The following DNER variants were observed in gnomAD, a reference collection of about 807,000 sequenced individuals.
DNER encodes the protein delta and Notch-like epidermal growth factor-related receptor.
Under a neutral mutation model 78.2 loss-of-function variants are expected in DNER, and 33 were observed. That is an observed-to-expected ratio of 0.42 (90% CI 0.32 to 0.56). The LOEUF (loss-of-function observed/expected upper bound fraction) is 0.56. Among genes scored for constraint, DNER ranks in the 20% least tolerant of loss-of-function variants. DNER has a pLI of 0.11. For synonymous variants in DNER, 417 were observed against 384.8 expected, an observed-to-expected ratio of 1.08 and a Z score of -0.98; for missense variants, 918 against 975.3, an observed-to-expected ratio of 0.94 and a Z score of 0.78.
intron 1 of DNER, among the ~76,000 whole-genome samples, chr2:229,697,796 G>A (rs1037704281): frequency 3.3e-5 from 5 of 152,232 alleles, no homozygotes; most frequent in African/African-American, 1.2e-4. Flanking sequence ...GAAGGAAGCA[G>A]GTGTACAGGT....
At chr2:229,622,916 G>A (rs780636876) in intron 1 of DNER, among the ~76,000 whole-genome samples, 5 of 152,162 alleles carry the variant, frequency 3.3e-5, no homozygotes, top group Non-Finnish European at 5.9e-5. Flanking sequence ...CCAAAACTGT[G>A]AGAGAATAAA....
At chr2:229,562,605 G>A (rs1696980159) in intron 4 of DNER, among the ~76,000 whole-genome samples, 1 of 151,948 alleles carries the variant, frequency 6.6e-6, no homozygotes, top group African/African-American at 2.4e-5. Flanking sequence ...ATATTTAAAT[G>A]AGATACCAGG....
intron 7 of DNER, among the ~76,000 whole-genome samples, chr2:229,466,305 T>C (rs1225410401): frequency 6.6e-6 from 1 of 152,188 alleles, no homozygotes; most frequent in East Asian, 1.9e-4. Flanking sequence ...CTGCATTTTG[T>C]TCCTCAGATT....
intron 11 of DNER, among the ~76,000 whole-genome samples, chr2:229,385,630 G>C (rs970735802): frequency 6.6e-6 from 1 of 152,084 alleles, no homozygotes; most frequent in Non-Finnish European, 1.5e-5. Context: ...AAAGTCTCAG[G>C]ATACAAAATC....
intron 1 of DNER, among the ~76,000 whole-genome samples, chr2:229,618,934 G>A (rs1698209848): frequency 6.6e-6 from 1 of 152,076 alleles, no homozygotes; most frequent in South Asian, 2.1e-4. Flanking sequence ...AGGAGTTCTA[G>A]ACCAGGCTGA....
intron 7 of DNER, among the ~76,000 whole-genome samples, chr2:229,456,464 C>G (rs1460737035): frequency 6.6e-6 from 1 of 151,666 alleles, no homozygotes; most frequent in African/African-American, 2.4e-5. Flanking sequence ...GCTCCAGGGT[C>G]TGTCAGGCCT....
intron 1 of DNER, among the ~76,000 whole-genome samples, chr2:229,610,528 G>A (rs1025523446): frequency 2.6e-5 from 4 of 152,266 alleles, no homozygotes; most frequent in African/African-American, 9.6e-5. Flanking sequence ...TTGGCAATGC[G>A]CAGAAATGTG....
At chr2:229,453,113 G>A (rs1202932982) in intron 7 of DNER, among the ~76,000 whole-genome samples, 1 of 152,190 alleles carries the variant, frequency 6.6e-6, no homozygotes, top group East Asian at 1.9e-4. Context: ...TAATCACTCT[G>A]ACTTTCTGCT....
chr2:229,470,723 G>A (rs73103738), intron 7 of DNER, among the ~76,000 whole-genome samples: 6 of 152,118 alleles, frequency 3.9e-5, no homozygotes, highest in East Asian at 1.9e-4. Flanking sequence ...GGTGATGGTC[G>A]CCTGTAATGC....
chr2:229,374,519 C>A (rs6712621), intron 11 of DNER, among the ~76,000 whole-genome samples: 108,541 of 152,132 alleles, frequency 0.71, 39,160 homozygotes, highest in East Asian at 0.91. Context: ...TTGAGGGTTC[C>A]ATTTGTGCTG....
intron 10 of DNER, among the ~76,000 whole-genome samples, chr2:229,395,456 T>C (rs1693114965): frequency 6.6e-6 from 1 of 152,162 alleles, no homozygotes; most frequent in African/African-American, 2.4e-5. Flanking sequence ...CGTGGAAGCA[T>C]TGCACTGTCC....
intron 9 of DNER, among the ~76,000 whole-genome samples, chr2:229,414,009 G>A (rs911775362): frequency 6.6e-6 from 1 of 151,760 alleles, no homozygotes; most frequent in African/African-American, 2.4e-5. Context: ...ATTTCCAAAA[G>A]GGGGAAAATG....
chr2:229,390,889 G>A (rs1040858025), intron 10 of DNER, among the ~76,000 whole-genome samples: 3 of 152,172 alleles, frequency 2.0e-5, no homozygotes, highest in African/African-American at 7.2e-5. Flanking sequence ...GCATCTAGTT[G>A]AATCAGTTAT....
At chr2:229,692,066 T>A (rs1037142367) in intron 1 of DNER, among the ~76,000 whole-genome samples, 2 of 152,206 alleles carry the variant, frequency 1.3e-5, no homozygotes, top group African/African-American at 4.8e-5. Context: ...GCCCAGGTGA[T>A]ATAAGTTGAG....
At position 229,396,304 on chromosome 2, in the gene DNER, G is replaced by GTTTAGTTT. The variant is rs374036131; in HGVS notation, c.1724-7909_1724-7908insAAACTAAA. Among the ~76,000 whole-genome samples, 8 of 152,134 alleles carry GTTTAGTTT rather than the reference G, an allele frequency of 5.3e-5. No individual in the cohort carries two copies. In the East Asian group the frequency reaches 1.4e-3, roughly 26 times the overall value. ...AACTCAAATGCCTTTTAGTTTACAC[G>GTTTAGTTT]ACTTTAGTAATCTTTGGTAACTAAA... On this transcript the variant is annotated intron_variant, in intron 10 of 12. Coordinates refer to ENST00000341772, the MANE Select transcript of DNER (RefSeq NM_139072.4).
chr2:229,484,829 T>C (rs1695236399), intron 6 of DNER, among the ~76,000 whole-genome samples: 1 of 152,204 alleles, frequency 6.6e-6, no homozygotes, highest in Non-Finnish European at 1.5e-5. Flanking sequence ...CTTCAGACTA[T>C]AAACCTTTGT....
At position 229,679,563 on chromosome 2, in the gene DNER, A is replaced by T. The variant is rs376651985; in HGVS notation, c.276+34585T>A. Among the ~76,000 whole-genome samples, 9 of 152,188 alleles carry T rather than the reference A, an allele frequency of 5.9e-5. No homozygotes were observed. In the East Asian group the frequency reaches 1.2e-3, roughly 20 times the overall value. ...CTAACGTCGTCTGACAGTTTAAAAC[A>T]GTGGTCTCAAAAGGTATGTCATAAC... On this transcript the variant is annotated intron_variant, in intron 1 of 12. Transcript: ENST00000341772.
chr2:229,457,836 C>A (rs1284413188), intron 7 of DNER, among the ~76,000 whole-genome samples: 1 of 149,342 alleles, frequency 6.7e-6, no homozygotes, highest in Non-Finnish European at 1.5e-5. Flanking sequence ...AGCATAAAGA[C>A]ACATAAAAAT....
chr2:229,524,809 G>A (rs1288707188), intron 5 of DNER, among the ~76,000 whole-genome samples: 1 of 152,222 alleles, frequency 6.6e-6, no homozygotes, highest in African/African-American at 2.4e-5. Flanking sequence ...CCAGTGCCCT[G>A]ACTGTTTCAA....
Sources: gnomAD v4.1 joint callset for allele counts (sites outside exome capture counted in the v4.1 genomes callset) on GRCh38, gnomAD v4.1.1 for gene constraint, MANE v1.5 for transcripts, NCBI Gene and HGNC (gene_info 2026-07-23, HGNC 2026-07-21) for gene names.